The following C2orf76 variants were observed in gnomAD, a reference collection of about 807,000 sequenced individuals.
C2orf76 encodes the protein chromosome 2 open reading frame 76.
C2orf76 carries 23 observed loss-of-function variants against 16.9 expected under a neutral mutation model. The ratio of observed to expected loss-of-function variants is 1.36; its 90% CI spans 0.98 to 1.93. The LOEUF is 1.93. Ranked by LOEUF, C2orf76 falls within the 30% of genes most tolerant of loss-of-function variation. C2orf76 has a pLI of 0.00. For synonymous variants in C2orf76, 48 were observed against 52.3 expected (o/e 0.92, Z 0.35); for missense variants, 152 against 152.6 (o/e 1.00, Z 0.02).
At chr2:119,357,174 G>GA (rs1328233155) in intron 1 of C2orf76, among the ~76,000 whole-genome samples, 1 of 152,038 alleles carries the variant, frequency 6.6e-6, no homozygotes, top group Admixed American at 6.6e-5. Flanking sequence ...ACCTCTTTCA[G>GA]AAAATGGAAA....
At chr2:119,311,985 A>T (rs1318647482) in intron 4 of C2orf76, among the ~76,000 whole-genome samples, 2 of 152,136 alleles carry the variant, frequency 1.3e-5, no homozygotes, top group African/African-American at 4.8e-5. Flanking sequence ...TCAACAAGCT[A>T]CACAACCTCT....
At chr2:119,366,949 G>A, upstream of C2orf76, 1 of 1,473,874 alleles carries the variant, frequency 6.8e-7, no homozygotes, top group Non-Finnish European at 9.4e-7. Flanking sequence ...GTTGGGGCGA[G>A]TGGACCGCGC....
At chr2:119,335,461 T>G (rs1262280251) in intron 2 of C2orf76, among the ~76,000 whole-genome samples, 1 of 152,184 alleles carries the variant, frequency 6.6e-6, no homozygotes, top group Non-Finnish European at 1.5e-5. Flanking sequence ...CGTGCACCCA[T>G]GCACACTGAG....
chr2:119,327,101 A>C (rs1679531404), intron 2 of C2orf76, among the ~76,000 whole-genome samples: 1 of 152,166 alleles, frequency 6.6e-6, no homozygotes, highest in African/African-American at 2.4e-5. Flanking sequence ...GTTGAATAGC[A>C]GTGATGATGA....
At chr2:119,340,069 C>T (rs776427054) in intron 1 of C2orf76, 98 bp from the exon 2 acceptor site, 17 of 1,329,374 alleles carry the variant, frequency 1.3e-5, no homozygotes, top group African/African-American at 1.4e-5. Context: ...GCACCAGCCC[C>T]GCTCTTCCAT....
At chr2:119,289,637 G>A in the C2orf76 span, among the ~76,000 whole-genome samples, 1 of 151,462 alleles carries the variant, frequency 6.6e-6, no homozygotes, top group African/African-American at 2.4e-5. Context: ...AGTGAGCCGA[G>A]ATCGTACCAC....
At chr2:119,333,536 G>A (rs1558787388) in intron 2 of C2orf76, among the ~76,000 whole-genome samples, 1 of 152,206 alleles carries the variant, frequency 6.6e-6, no homozygotes, top group Non-Finnish European at 1.5e-5. Flanking sequence ...ATGCAACAAG[G>A]AGGAATCACC....
chr2:119,324,140 A>G (rs1369629329), intron 2 of C2orf76, among the ~76,000 whole-genome samples: 1 of 152,254 alleles, frequency 6.6e-6, no homozygotes, highest in East Asian at 1.9e-4. Context: ...TCCCTGAAGA[A>G]AGCCGTGAGG....
chr2:119,287,627 T>C, the C2orf76 span, among the ~76,000 whole-genome samples: 2 of 152,204 alleles, frequency 1.3e-5, no homozygotes, highest in Non-Finnish European at 2.9e-5. Context: ...GGAGACGTGA[T>C]ATTTGTTCGA....
chr2:119,308,034 T>C (rs1257390174), intron 5 of C2orf76, among the ~76,000 whole-genome samples: 1 of 152,154 alleles, frequency 6.6e-6, no homozygotes, highest in Non-Finnish European at 1.5e-5. Flanking sequence ...GAAAACAAAA[T>C]AGAGTTTCAG....
intron 1 of C2orf76, among the ~76,000 whole-genome samples, chr2:119,355,177 T>A (rs948044276): frequency 3.3e-5 from 5 of 152,238 alleles, no homozygotes; most frequent in Non-Finnish European, 5.9e-5. Flanking sequence ...TACACTTTCT[T>A]AAACAAGGTA....
At chr2:119,361,388 T>G (rs1488578430) in intron 1 of C2orf76, among the ~76,000 whole-genome samples, 1 of 152,268 alleles carries the variant, frequency 6.6e-6, no homozygotes, top group Non-Finnish European at 1.5e-5. Context: ...TAGATATGTA[T>G]GTACAGTCAG....
intron 1 of C2orf76, among the ~76,000 whole-genome samples, chr2:119,359,211 C>G (rs1314766204): frequency 6.6e-6 from 1 of 152,138 alleles, no homozygotes; most frequent in Non-Finnish European, 1.5e-5. Context: ...ATATTTTAAG[C>G]CCACTGTTGA....
chr2:119,287,887 T>C, the C2orf76 span, among the ~76,000 whole-genome samples: 4 of 152,182 alleles, frequency 2.6e-5, no homozygotes, highest in Non-Finnish European at 5.9e-5. Flanking sequence ...GGGAGAGTGA[T>C]TTGGACCATA....
chr2:119,284,794 C>A, the C2orf76 span, among the ~76,000 whole-genome samples: 1 of 151,692 alleles, frequency 6.6e-6, no homozygotes, highest in African/African-American at 2.4e-5. Context: ...TATTTGTCAA[C>A]AGAATCTTAT....
chr2:119,348,669 A>G lies in C2orf76; in HGVS notation c.-12-8698T>C, dbSNP rs531396217. Among the ~76,000 whole-genome samples the G allele has an allele frequency of 3.3e-5, 5 of 152,142 alleles. No individual in the cohort carries two copies. In the East Asian group the frequency reaches 9.7e-4, roughly 29 times the overall value. On this transcript the variant is annotated intron_variant, in intron 1 of 5. Coordinates refer to ENST00000334816, the MANE Select transcript of C2orf76 (RefSeq NM_001322331.2). ...CCACTGTACTCCAGCCTGGAAGACA[A>G]GAGTGGAACTCTGTCTTAAAAAAAA...
chr2:119,358,086 C>T (rs992383319), intron 1 of C2orf76, among the ~76,000 whole-genome samples: 1 of 152,068 alleles, frequency 6.6e-6, no homozygotes, highest in African/African-American at 2.4e-5. Flanking sequence ...ACTGCAATGG[C>T]CTCTAAGTTT....
chr2:119,337,349 A>T (rs1365026931), intron 2 of C2orf76, among the ~76,000 whole-genome samples: 1 of 151,716 alleles, frequency 6.6e-6, no homozygotes, highest in East Asian at 1.9e-4. Context: ...GGGATTACAG[A>T]TGTGAGCCAC....
chr2:119,310,250 G>T (rs1366487012), intron 5 of C2orf76, among the ~76,000 whole-genome samples: 3 of 152,096 alleles, frequency 2.0e-5, no homozygotes, highest in Non-Finnish European at 1.5e-5. Context: ...GGTGCTACAT[G>T]CCCCAATCAC....
Sources: allele counts gnomAD v4.1 joint callset (sites outside exome capture counted in the v4.1 genomes callset), GRCh38; gene constraint gnomAD v4.1.1; transcripts MANE v1.5; gene names NCBI Gene and HGNC (gene_info 2026-07-23, HGNC 2026-07-21).